CNBD1: variants seen among roughly 807,000 people sequenced by gnomAD.
The protein encoded by CNBD1 is cyclic nucleotide-binding domain-containing protein 1.
A neutral mutation model predicts 54.4 loss-of-function variants in CNBD1; 71 were observed. The observed-to-expected ratio is 1.30, with a 90% CI of 1.08 to 1.59. CNBD1 has a LOEUF of 1.59. Ranked by LOEUF, CNBD1 falls within the 40% of genes most tolerant of loss-of-function variation. The pLI is 0.00. For missense variants in CNBD1, 659 were observed against 518.0 expected (o/e 1.27, Z -2.64); for synonymous variants, 182 against 170.7 (o/e 1.07, Z -0.51).
At chr8:87,324,728 T>C (rs1193093743) in intron 8 of CNBD1, among the ~76,000 whole-genome samples, 1 of 150,892 alleles carries the variant, frequency 6.6e-6, no homozygotes, top group African/African-American at 2.5e-5. Flanking sequence ...GGTCTATCAA[T>C]TTTGTTGATC....
intron 4 of CNBD1, among the ~76,000 whole-genome samples, chr8:87,165,038 TG>T (rs1812933541): frequency 6.6e-6 from 1 of 151,888 alleles, no homozygotes; most frequent in Non-Finnish European, 1.5e-5. Context: ...TTTTACCCAT[TG>T]GTTGTTCAGG....
At chr8:87,104,089 T>A (rs1460845883) in intron 4 of CNBD1, among the ~76,000 whole-genome samples, 1 of 152,010 alleles carries the variant, frequency 6.6e-6, no homozygotes. Context: ...TGTAACCAAA[T>A]GAAAAAGACA....
At chr8:86,876,577 C>T (rs1808524153) in intron 1 of CNBD1, among the ~76,000 whole-genome samples, 1 of 151,116 alleles carries the variant, frequency 6.6e-6, no homozygotes, top group African/African-American at 2.4e-5. Flanking sequence ...TCTTTGTTTT[C>T]TCCTTTCCAT....
At chr8:87,123,222 T>C (rs1380041104) in intron 4 of CNBD1, among the ~76,000 whole-genome samples, 1 of 151,822 alleles carries the variant, frequency 6.6e-6, no homozygotes, top group African/African-American at 2.4e-5. Context: ...TACCATAATG[T>C]ACTTTCTTCT....
intron 4 of CNBD1, among the ~76,000 whole-genome samples, chr8:87,158,588 C>T (rs1386745571): frequency 6.6e-6 from 1 of 152,092 alleles, no homozygotes; most frequent in Admixed American, 6.6e-5. Context: ...TGAAGATCAA[C>T]ATAATTTTAA....
intron 4 of CNBD1, among the ~76,000 whole-genome samples, chr8:87,087,053 A>G (rs1356720929): frequency 1.3e-5 from 2 of 151,798 alleles, no homozygotes; most frequent in Admixed American, 6.6e-5. Context: ...ATTGTCCCCA[A>G]GAGGATGCAG....
At chr8:87,394,375 A>G (rs2130972096) in intron 2 of CNBD1, among the ~76,000 whole-genome samples, 1 of 152,008 alleles carries the variant, frequency 6.6e-6, no homozygotes, top group Admixed American at 6.6e-5. Context: ...TCTGCAATTT[A>G]AATTCAGAAA....
At chr8:86,925,613 C>A (rs1314048472) in intron 3 of CNBD1, among the ~76,000 whole-genome samples, 5 of 149,392 alleles carry the variant, frequency 3.3e-5, no homozygotes. Context: ...TTTGTAAGAG[C>A]TATAATACAG....
chr8:87,077,934 C>T (rs1810909395), intron 4 of CNBD1, among the ~76,000 whole-genome samples: 1 of 152,116 alleles, frequency 6.6e-6, no homozygotes, highest in Non-Finnish European at 1.5e-5. Context: ...TATATACCCA[C>T]TAATGGGATC....
intron 4 of CNBD1, among the ~76,000 whole-genome samples, chr8:86,970,243 C>G (rs1468153712): frequency 2.0e-5 from 3 of 152,054 alleles, no homozygotes; most frequent in Admixed American, 2.0e-4. Context: ...AAATATCCCT[C>G]TAATAAGCTA....
At chr8:87,295,862 T>A (rs542050744) in intron 8 of CNBD1, among the ~76,000 whole-genome samples, 1 of 152,236 alleles carries the variant, frequency 6.6e-6, no homozygotes, top group Non-Finnish European at 1.5e-5. Flanking sequence ...AAACCAAATA[T>A]GTGAACATTT....
chr8:87,028,534 G>A (rs974113968), intron 4 of CNBD1, among the ~76,000 whole-genome samples: 3 of 152,178 alleles, frequency 2.0e-5, no homozygotes, highest in African/African-American at 7.2e-5. Flanking sequence ...CTTTAATCAG[G>A]TGATGCAGCT....
chr8:87,370,958 T>G (rs1360063257), intron 10 of CNBD1, among the ~76,000 whole-genome samples: 1 of 151,004 alleles, frequency 6.6e-6, no homozygotes, highest in Non-Finnish European at 1.5e-5. Flanking sequence ...CTAGCCAGTT[T>G]TCCCAGCACC....
chr8:87,140,146 A>G (rs551783437), intron 4 of CNBD1, among the ~76,000 whole-genome samples: 2 of 152,206 alleles, frequency 1.3e-5, no homozygotes, highest in East Asian at 1.9e-4. Flanking sequence ...TTTCCCATTT[A>G]TTGCCAACAA....
At chr8:87,304,538 G>A (rs200614573) in intron 8 of CNBD1, among the ~76,000 whole-genome samples, 1 of 152,088 alleles carries the variant, frequency 6.6e-6, no homozygotes, top group East Asian at 1.9e-4. Context: ...CTAATGTTAA[G>A]TGATGAGTTA....
intron 4 of CNBD1, among the ~76,000 whole-genome samples, chr8:86,972,966 T>C (rs1808259898): frequency 6.6e-6 from 1 of 152,204 alleles, no homozygotes; most frequent in South Asian, 2.1e-4. Flanking sequence ...CCTCGTTGAC[T>C]TCCCTCACCA....
intron 4 of CNBD1, among the ~76,000 whole-genome samples, chr8:87,101,964 C>T (rs113568330): frequency 0.015 from 2,298 of 151,052 alleles, 49 homozygotes; most frequent in African/African-American, 0.05. Flanking sequence ...TCTTGGCTCA[C>T]TGCAACCTCC....
In CNBD1 at chr8:86,867,884, G is replaced by A. The variant is rs552865263; in HGVS notation, c.88+1301G>A. On this transcript the variant is annotated intron_variant, in intron 1 of 10. Coordinates refer to ENST00000518476, the MANE Select transcript of CNBD1 (RefSeq NM_173538.3). ...AACTTCTGTGAAGTGATTAAAAGAC[G>A]AAAAATCAGCAGCAATTTAGATCTC... Among the ~76,000 whole-genome samples the A allele has an allele frequency of 7.2e-5, 11 of 152,234 alleles. No individual in the cohort carries two copies. In the East Asian group the frequency reaches 2.1e-3, roughly 29 times the overall value.
chr8:87,409,498 C>A (rs901926298), intron 2 of CNBD1, among the ~76,000 whole-genome samples: 1 of 152,118 alleles, frequency 6.6e-6, no homozygotes, highest in African/African-American at 2.4e-5. Context: ...GGAGATATAA[C>A]TAAGATCTTT....
Sources: gnomAD v4.1 joint callset for allele counts (sites outside exome capture counted in the v4.1 genomes callset) on GRCh38, gnomAD v4.1.1 for gene constraint, MANE v1.5 for transcripts, NCBI Gene and HGNC (gene_info 2026-07-23, HGNC 2026-07-21) for gene names.